Variants in CWC27 observed in about 807,000 individuals in gnomAD.
The protein encoded by CWC27 is CWC27 spliceosome associated cyclophilin, also known as spliceosome-associated protein CWC27 homolog.
Under a neutral mutation model 63.6 loss-of-function variants are expected in CWC27, and 47 were observed. That is an observed-to-expected ratio of 0.74 (90% CI 0.58 to 0.94). The LOEUF is 0.94. Among genes scored for constraint, CWC27 ranks in the 40% least tolerant of loss-of-function variants. The pLI is 0.00. For synonymous variants in CWC27, 175 were observed against 179.8 expected, an observed-to-expected ratio of 0.97 and a Z score of 0.22; for missense variants, 495 against 554.3, an observed-to-expected ratio of 0.89 and a Z score of 1.07.
At chr5:64,789,742 A>G (rs1744010217) in intron 7 of CWC27, among the ~76,000 whole-genome samples, 1 of 152,154 alleles carries the variant, frequency 6.6e-6, no homozygotes, top group South Asian at 2.1e-4. Context: ...TACTACAAGA[A>G]AACTGTCTTC....
intron 10 of CWC27, among the ~76,000 whole-genome samples, chr5:64,864,580 G>T (rs1338687530): frequency 6.6e-6 from 1 of 152,056 alleles, no homozygotes; most frequent in Non-Finnish European, 1.5e-5. Context: ...TTTCCCAGAT[G>T]TCACCTACCC....
At chr5:64,976,690 A>G (rs1320438801) in intron 12 of CWC27, among the ~76,000 whole-genome samples, 1 of 151,968 alleles carries the variant, frequency 6.6e-6, no homozygotes, top group African/African-American at 2.4e-5. Flanking sequence ...ACACCACCAC[A>G]TCTGACTTTT....
intron 10 of CWC27, among the ~76,000 whole-genome samples, chr5:64,843,453 C>T (rs2112284856): frequency 6.6e-6 from 1 of 152,304 alleles, no homozygotes; most frequent in Admixed American, 6.5e-5. Flanking sequence ...CACATTGAGA[C>T]AGTTTTTTGA....
intron 11 of CWC27, among the ~76,000 whole-genome samples, chr5:64,924,581 T>C (rs959684290): frequency 2.6e-5 from 4 of 152,302 alleles, no homozygotes; most frequent in African/African-American, 9.6e-5. Context: ...GTGTAGCTCC[T>C]GGTGTCAAAT....
chr5:64,862,920 A>G (rs1746446697), intron 10 of CWC27, among the ~76,000 whole-genome samples: 1 of 152,182 alleles, frequency 6.6e-6, no homozygotes, highest in Non-Finnish European at 1.5e-5. Context: ...TGGACAGGAT[A>G]AGAAACCTTT....
At chr5:64,984,847 G>A (rs1749395922) in intron 13 of CWC27, among the ~76,000 whole-genome samples, 1 of 152,110 alleles carries the variant, frequency 6.6e-6, no homozygotes, top group South Asian at 2.1e-4. Flanking sequence ...TTAGTGTTAT[G>A]TCTAAGAATT....
At chr5:64,909,361 C>T (rs1477033269) in intron 11 of CWC27, among the ~76,000 whole-genome samples, 1 of 152,076 alleles carries the variant, frequency 6.6e-6, no homozygotes, top group African/African-American at 2.4e-5. Flanking sequence ...TCTGGCTGCC[C>T]TTAACATTTT....
intron 13 of CWC27, among the ~76,000 whole-genome samples, chr5:64,978,800 T>C (rs900717185): frequency 2.0e-5 from 3 of 152,148 alleles, no homozygotes; most frequent in Non-Finnish European, 4.4e-5. Flanking sequence ...ATCAAGATGG[T>C]GTTTTGTAAG....
chr5:64,783,873 G>T lies in CWC27; in HGVS notation c.290G>T (p.Gly97Val). Residue 97 changes from glycine (G) to valine (V), a missense_variant, in exon 4 of 14, where the codon GGA becomes GTA. Gly to Val is a moderately radical substitution (Grantham distance 109). Transcript: ENST00000381070. ...TCACGGTTGCGTTTTAATCGGAGAG[G>T]ACTGGTTGCCATGGCAAATGCTGGT... ...FHSRLRFNRR[G>V]LVAMANAGSH... The T allele has an allele frequency of 6.2e-7, 1 of 1,600,842 alleles. No homozygotes were observed. The highest frequency in any genetic ancestry group is 8.5e-7 in the Non-Finnish European group (1 of 1,174,924).
chr5:64,780,978 A>G (rs888057451), intron 2 of CWC27, among the ~76,000 whole-genome samples: 3 of 152,136 alleles, frequency 2.0e-5, no homozygotes, highest in Non-Finnish European at 2.9e-5. Flanking sequence ...TTCTTAATGT[A>G]AATTCTCTTA....
Position 64,945,673 on chromosome 5 carries a change from C to T in CWC27, c.1043-26030C>T, listed in dbSNP as rs192133560. On this transcript the variant is annotated intron_variant, in intron 11 of 13. Transcript: ENST00000381070. ...GACTCAGAGAAGTAATTGATGTTTC[C>T]CCAAGAGCACTAACAGAGCTGATAG... is the stretch of plus-strand genomic sequence containing the variant. Among the ~76,000 whole-genome samples, 21 of 152,178 alleles carry T rather than the reference C, an allele frequency of 1.4e-4. 1 individual carries two copies. In the East Asian group the frequency reaches 4.1e-3, roughly 29 times the overall value.
intron 11 of CWC27, among the ~76,000 whole-genome samples, chr5:64,935,626 C>G (rs1490654306): frequency 6.6e-6 from 1 of 152,188 alleles, no homozygotes; most frequent in Non-Finnish European, 1.5e-5. Context: ...GTAGTTTTTT[C>G]TATTTCTGTG....
intron 11 of CWC27, among the ~76,000 whole-genome samples, chr5:64,892,525 G>GTTTCT (rs1443299184): frequency 6.6e-6 from 1 of 152,052 alleles, no homozygotes; most frequent in Non-Finnish European, 1.5e-5. Context: ...TTCTGGATTT[G>GTTTCT]TTTCTTTTCA....
chr5:64,968,320 A>G (rs1183394775), intron 11 of CWC27, among the ~76,000 whole-genome samples: 1 of 152,130 alleles, frequency 6.6e-6, no homozygotes, highest in Non-Finnish European at 1.5e-5. Context: ...GTAAAACAGT[A>G]TGGCAGTATC....
At chr5:64,901,922 A>G (rs1747519400) in intron 11 of CWC27, among the ~76,000 whole-genome samples, 1 of 152,218 alleles carries the variant, frequency 6.6e-6, no homozygotes, top group Non-Finnish European at 1.5e-5. Context: ...CACAGGGTCA[A>G]GATCATCAAT....
intron 11 of CWC27, among the ~76,000 whole-genome samples, chr5:64,912,964 A>G (rs539017208): frequency 2.0e-5 from 3 of 152,304 alleles, no homozygotes; most frequent in East Asian, 3.9e-4. Context: ...TGGTAAAGAT[A>G]TATGAGAAAA....
chr5:64,852,725 G>C (rs537942012), intron 10 of CWC27, among the ~76,000 whole-genome samples: 1 of 151,528 alleles, frequency 6.6e-6, no homozygotes, highest in African/African-American at 2.4e-5. Context: ...TGTTTGCCTC[G>C]GCCTCCCAAA....
chr5:64,961,448 T>A (rs1434594844), intron 11 of CWC27, among the ~76,000 whole-genome samples: 1 of 152,142 alleles, frequency 6.6e-6, no homozygotes, highest in Non-Finnish European at 1.5e-5. Flanking sequence ...ACATAACTAA[T>A]ATATTTTTTT....
At chr5:64,810,963 A>G (rs6882318) in intron 10 of CWC27, among the ~76,000 whole-genome samples, 2,092 of 152,208 alleles carry the variant, frequency 0.014, 27 homozygotes, top group African/African-American at 0.038. Flanking sequence ...AGAAAATAAG[A>G]TATTTGGGTG....
Sources: allele counts gnomAD v4.1 joint callset (sites outside exome capture counted in the v4.1 genomes callset), GRCh38; gene constraint gnomAD v4.1.1; transcripts MANE v1.5; gene names NCBI Gene and HGNC (gene_info 2026-07-23, HGNC 2026-07-21).